Variants in PDE1A observed in about 807,000 individuals in gnomAD.
PDE1A encodes dual specificity calcium/calmodulin-dependent 3',5'-cyclic nucleotide phosphodiesterase 1A.
In PDE1A, 35 loss-of-function variants were observed where a neutral mutation model predicts 61.7. The observed-to-expected ratio is 0.57, with a 90% CI of 0.43 to 0.75. The LOEUF (loss-of-function observed/expected upper bound fraction) is 0.75, where lower values mean the gene tolerates loss of function less well. PDE1A is among the 30% of genes least tolerant of loss of function. The probability of loss-of-function intolerance (pLI) is 0.00; values close to 1 mark genes in which losing one functional copy is unlikely to be tolerated. For missense variants in PDE1A, 597 were observed against 630.6 expected (o/e 0.95, Z 0.57); for synonymous variants, 232 against 213.2 (o/e 1.09, Z -0.77).
chr2:182,223,486 A>C (rs573555933), intron 7 of PDE1A, among the ~76,000 whole-genome samples: 1 of 152,140 alleles, frequency 6.6e-6, no homozygotes, highest in East Asian at 1.9e-4. Flanking sequence ...TTGTTTTCAG[A>C]AGTACACTCG....
chr2:182,626,022 A>G, the PDE1A span, among the ~76,000 whole-genome samples: 1 of 152,230 alleles, frequency 6.6e-6, no homozygotes, highest in Non-Finnish European at 1.5e-5. Flanking sequence ...TCAGAATGGT[A>G]ACGCTGACAA....
At chr2:182,377,772 G>A (rs574424922) in intron 1 of PDE1A, among the ~76,000 whole-genome samples, 5 of 151,890 alleles carry the variant, frequency 3.3e-5, no homozygotes, top group African/African-American at 1.2e-4. Flanking sequence ...ATCCCAACAT[G>A]AAAATAAACC....
At chr2:182,463,360 T>C (rs1479628466) in intron 2 of PDE1A, among the ~76,000 whole-genome samples, 3 of 152,082 alleles carry the variant, frequency 2.0e-5, no homozygotes, top group African/African-American at 7.2e-5. Context: ...AAAGTTAGAC[T>C]CTCACCCCCT....
chr2:182,601,764 TGCAGCTCTTA>T, the PDE1A span, among the ~76,000 whole-genome samples: 2 of 152,182 alleles, frequency 1.3e-5, no homozygotes, highest in African/African-American at 4.8e-5. Flanking sequence ...CCATCCTCTC[TGCAGCTCTTA>T]GCAGAGTAGA....
chr2:182,613,474 A>T, the PDE1A span, among the ~76,000 whole-genome samples: 5 of 151,888 alleles, frequency 3.3e-5, no homozygotes. Context: ...GAGGCAGGAG[A>T]ATTGCGTGAA....
chr2:182,316,141 G>T (rs926207254), intron 1 of PDE1A, among the ~76,000 whole-genome samples: 1 of 152,110 alleles, frequency 6.6e-6, no homozygotes, highest in Non-Finnish European at 1.5e-5. Context: ...TACTGCACAG[G>T]TTCTAAATAA....
At chr2:182,180,377 T>C (rs1198614673) in intron 13 of PDE1A, among the ~76,000 whole-genome samples, 3 of 152,146 alleles carry the variant, frequency 2.0e-5, no homozygotes, top group Non-Finnish European at 4.4e-5. Flanking sequence ...ATTCTTATCT[T>C]TAAGAATGTT....
At chr2:182,342,107 T>G (rs16823686) in intron 1 of PDE1A, among the ~76,000 whole-genome samples, 95,009 of 151,936 alleles carry the variant, frequency 0.63, 31,279 homozygotes, top group Middle Eastern at 0.77. Flanking sequence ...AGCAGAATTT[T>G]CTCATATTTG....
the PDE1A span, among the ~76,000 whole-genome samples, chr2:182,568,903 C>T: frequency 6.6e-6 from 1 of 151,910 alleles, no homozygotes; most frequent in African/African-American, 2.4e-5. Context: ...AGAGATTAAT[C>T]ACCAATCTCA....
chr2:182,211,133 T>C (rs1687559441), intron 7 of PDE1A, among the ~76,000 whole-genome samples: 1 of 152,194 alleles, frequency 6.6e-6, no homozygotes, highest in African/African-American at 2.4e-5. Flanking sequence ...TCCAACCCTG[T>C]CACATTGGGA....
At chr2:182,171,974 AT>A (rs1692263572) in intron 13 of PDE1A, among the ~76,000 whole-genome samples, 1 of 151,942 alleles carries the variant, frequency 6.6e-6, no homozygotes, top group Non-Finnish European at 1.5e-5. Context: ...TCTTGCATGC[AT>A]TACTCATATT....
the PDE1A span, among the ~76,000 whole-genome samples, chr2:182,562,115 G>C: frequency 6.6e-6 from 1 of 151,662 alleles, no homozygotes; most frequent in African/African-American, 2.4e-5. Flanking sequence ...TGGTAAGAGA[G>C]GGCATCCCTG....
chr2:182,321,237 T>TGA (rs1248231161), intron 1 of PDE1A, among the ~76,000 whole-genome samples: 7 of 152,182 alleles, frequency 4.6e-5, no homozygotes, highest in Non-Finnish European at 8.8e-5. Flanking sequence ...TGAATTCCAA[T>TGA]TCATGAGATC....
At chr2:182,626,840 T>TATATATATAC in the PDE1A span, among the ~76,000 whole-genome samples, 10 of 36,540 alleles carry the variant, frequency 2.7e-4, 1 homozygote, top group South Asian at 1.1e-3. Context: ...TATATATACA[T>TATATATATAC]ATATATACAT....
At chr2:182,492,528 T>C (rs1430144) in intron 2 of PDE1A, among the ~76,000 whole-genome samples, 61,837 of 151,988 alleles carry the variant, frequency 0.41, 12,880 homozygotes, top group African/African-American at 0.47. Context: ...TATCAAACTT[T>C]CTGAAATTCT....
the PDE1A span, among the ~76,000 whole-genome samples, chr2:182,694,538 C>T: frequency 6.6e-6 from 1 of 152,120 alleles, no homozygotes; most frequent in Non-Finnish European, 1.5e-5. Context: ...ACCCAGAAGA[C>T]ATGTAGGAAT....
downstream of PDE1A, among the ~76,000 whole-genome samples, chr2:182,167,009 G>A (rs938190158): frequency 7.2e-5 from 11 of 152,078 alleles, no homozygotes; most frequent in Admixed American, 3.3e-4. Context: ...TAGAAAACAA[G>A]TCAATTTCAA....
chr2:182,373,705 G>C (rs1700240545), intron 1 of PDE1A, among the ~76,000 whole-genome samples: 1 of 152,160 alleles, frequency 6.6e-6, no homozygotes, highest in African/African-American at 2.4e-5. Context: ...ATAGAATTTA[G>C]TGACTAGTAA....
chr2:182,503,091 T>G (rs2125922655), intron 2 of PDE1A, among the ~76,000 whole-genome samples: 1 of 142,046 alleles, frequency 7.0e-6, no homozygotes, highest in East Asian at 2.1e-4. Context: ...ACACACAGCA[T>G]TGTGCCTCAT....
Sources: allele counts gnomAD v4.1 joint callset (sites outside exome capture counted in the v4.1 genomes callset), GRCh38; gene constraint gnomAD v4.1.1; transcripts MANE v1.5; gene names NCBI Gene and HGNC (gene_info 2026-07-23, HGNC 2026-07-21).